TENM2: variants seen among roughly 807,000 people sequenced by gnomAD.
TENM2 encodes teneurin transmembrane protein 2, also known as teneurin-2.
A neutral mutation model predicts 245.2 loss-of-function variants in TENM2; 52 were observed. The observed-to-expected ratio is 0.21, with a 90% CI of 0.17 to 0.27. The LOEUF (loss-of-function observed/expected upper bound fraction) is 0.27. TENM2 is among the 10% of genes least tolerant of loss of function. TENM2 has a pLI of 1.00. For missense variants in TENM2, 3,046 were observed against 3,666.8 expected (o/e 0.83, Z 4.37); for synonymous variants, 1,363 against 1,438.9 (o/e 0.95, Z 1.19).
the TENM2 span, among the ~76,000 whole-genome samples, chr5:167,081,996 T>C: frequency 6.6e-6 from 1 of 152,182 alleles, no homozygotes; most frequent in Non-Finnish European, 1.5e-5. Flanking sequence ...ACTTAGAGCC[T>C]GGGTTTAATC....
At chr5:167,996,661 A>G (rs1482342470) in intron 5 of TENM2, among the ~76,000 whole-genome samples, 1 of 152,174 alleles carries the variant, frequency 6.6e-6, no homozygotes, top group Non-Finnish European at 1.5e-5. Flanking sequence ...ATGCATAACA[A>G]TCACTAGTTA....
At chr5:168,042,371 G>T (rs762591117) in intron 5 of TENM2, among the ~76,000 whole-genome samples, 2 of 152,146 alleles carry the variant, frequency 1.3e-5, no homozygotes, top group African/African-American at 4.8e-5. Flanking sequence ...CTCCATGTTT[G>T]CCCTCTTTGA....
chr5:167,824,045 G>A (rs530585569), intron 2 of TENM2, among the ~76,000 whole-genome samples: 1 of 152,132 alleles, frequency 6.6e-6, no homozygotes, highest in Non-Finnish European at 1.5e-5. Flanking sequence ...TCTCCCCGGG[G>A]AACTGAGGAG....
chr5:167,655,446 T>C (rs2150304575), intron 2 of TENM2, among the ~76,000 whole-genome samples: 1 of 152,304 alleles, frequency 6.6e-6, no homozygotes, highest in African/African-American at 2.4e-5. Flanking sequence ...TGATTGAAAG[T>C]CCTACCAACA....
rs1361720767 is a variant in TENM2 at position 167,569,891 on chromosome 5, G to A, written c.502+194418G>A. Among the ~76,000 whole-genome samples, 3 of 152,070 alleles carry A rather than the reference G, an allele frequency of 2.0e-5. No homozygotes were observed. The East Asian group carries it at 5.8e-4, about 29-fold the overall frequency. On this transcript the variant is annotated intron_variant, in intron 2 of 28. Coordinates refer to ENST00000518659, the Ensembl canonical transcript of TENM2. The stretch of plus-strand genomic sequence containing the variant: ...ATTTCAGGGTGGGAATTTGGACTTA[G>A]GACTAACCCCAAAGCCCAGCTCCTA...
the TENM2 span, among the ~76,000 whole-genome samples, chr5:167,180,101 T>TC: frequency 1.4e-5 from 2 of 141,960 alleles, no homozygotes. Context: ...AGTAAGTGCT[T>TC]CCTTTTTTTT....
chr5:168,177,274 G>A (rs1759444833), intron 13 of TENM2, among the ~76,000 whole-genome samples: 1 of 152,152 alleles, frequency 6.6e-6, no homozygotes, highest in Non-Finnish European at 1.5e-5. Context: ...TCTGAAAAGT[G>A]GAAGTAAACA....
intron 1 of TENM2, 134 bp from the exon 4 acceptor site, chr5:167,375,064 C>A: frequency 1.2e-6 from 1 of 855,188 alleles, no homozygotes; most frequent in Non-Finnish European, 1.8e-6. Flanking sequence ...TGTCCAAGAT[C>A]TGTTTCTGTA....
chr5:168,195,397 C>G, intron 15 of TENM2, 102 bp downstream of exon 17: 1 of 1,378,196 alleles, frequency 7.3e-7, no homozygotes, highest in Non-Finnish European at 9.9e-7. Flanking sequence ...CCCTGGTGGA[C>G]TGGAATGTCC....
At chr5:167,611,446 G>A (rs1464528652) in intron 2 of TENM2, among the ~76,000 whole-genome samples, 2 of 152,024 alleles carry the variant, frequency 1.3e-5, no homozygotes, top group African/African-American at 4.8e-5. Flanking sequence ...ACAGAAGGAG[G>A]CTGCATCCCT....
At chr5:167,622,351 C>T (rs531089304) in intron 2 of TENM2, among the ~76,000 whole-genome samples, 50 of 152,174 alleles carry the variant, frequency 3.3e-4, no homozygotes, top group Admixed American at 8.5e-4. Flanking sequence ...GCTTTAAAAG[C>T]TCATGTTGCC....
chr5:167,257,276 T>C, the TENM2 span, among the ~76,000 whole-genome samples: 1 of 152,268 alleles, frequency 6.6e-6, no homozygotes, highest in East Asian at 1.9e-4. Context: ...CTTGTTCTAC[T>C]AGATACATTT....
intron 2 of TENM2, among the ~76,000 whole-genome samples, chr5:167,711,958 A>C (rs1758939458): frequency 2.0e-5 from 3 of 152,196 alleles, no homozygotes; most frequent in African/African-American, 7.2e-5. Context: ...CATTGCTTAA[A>C]ATTTACTCAT....
At chr5:168,146,332 A>T (rs1204326500) in intron 12 of TENM2, among the ~76,000 whole-genome samples, 1 of 152,094 alleles carries the variant, frequency 6.6e-6, no homozygotes, top group Non-Finnish European at 1.5e-5. Flanking sequence ...AGGATGGGAG[A>T]TAATGAAAAA....
intron 1 of TENM2, among the ~76,000 whole-genome samples, chr5:167,308,566 C>T (rs1581710521): frequency 6.6e-6 from 1 of 152,288 alleles, no homozygotes; most frequent in East Asian, 1.9e-4. Context: ...CTGAATCCAG[C>T]AGCCTCCAAG....
Position 168,247,852 on chromosome 5 carries a change from G to A in TENM2, c.6913G>A (p.Val2305Ile), listed in dbSNP as rs375351533. 2.6e-4 allele frequency: 423 copies of A among 1,613,978 alleles called. 1 individual carries two copies. Among genetic ancestry groups the A allele is most frequent in the Non-Finnish European group, 3.1e-4 (370 of 1,179,876 alleles). ...GAGTGTCCAGTACCGCTATGATGGC[G>A]TAGGACGGCGGGCTTCCTACAAGAC... is the stretch of plus-strand genomic sequence containing the variant. Residue 2305 changes from valine to isoleucine, a missense_variant, in exon 27 of 29, where the codon GTA becomes ATA. Physicochemically the swap from Val to Ile is conservative, Grantham distance 29. Around this residue, in one of 2 missense-constraint regions of TENM2, gnomAD observed 2,704 missense variants for 3,331.9 expected, o/e 0.81. Transcript: ENST00000518659. The surrounding 1 kb of genome is among the most constrained non-coding windows in gnomAD (Gnocchi z 7.8).
chr5:167,930,929 T>C (rs918988403), intron 3 of TENM2, among the ~76,000 whole-genome samples: 2 of 152,350 alleles, frequency 1.3e-5, no homozygotes, highest in East Asian at 1.9e-4. Flanking sequence ...CACCGTATAG[T>C]TGCATAAGGT....
At chr5:167,713,639 C>T (rs1243143945) in intron 2 of TENM2, among the ~76,000 whole-genome samples, 1 of 152,180 alleles carries the variant, frequency 6.6e-6, no homozygotes, top group East Asian at 1.9e-4. Flanking sequence ...TACATGCGCA[C>T]ATGCAAGCAC....
chr5:168,032,102 CA>C (rs1787199617), intron 5 of TENM2, among the ~76,000 whole-genome samples: 1 of 152,150 alleles, frequency 6.6e-6, no homozygotes, highest in Admixed American at 6.5e-5. Context: ...GTTCAAAGCC[CA>C]GCTCTGCCAC....
Sources: allele counts gnomAD v4.1 joint callset (sites outside exome capture counted in the v4.1 genomes callset), GRCh38; gene constraint gnomAD v4.1.1; regional missense constraint gnomAD v4.1.1; non-coding constraint Gnocchi (gnomAD v3.1); transcripts MANE v1.5; gene names NCBI Gene and HGNC (gene_info 2026-07-23, HGNC 2026-07-21).